Variants in EYS observed in about 807,000 individuals in gnomAD.
EYS encodes EGF-like photoreceptor maintenance factor, also known as protein eyes shut homolog.
A neutral mutation model predicts 282.1 loss-of-function variants in EYS; 250 were observed. That is an observed-to-expected ratio of 0.89 (90% confidence interval 0.80 to 0.98). The LOEUF (loss-of-function observed/expected upper bound fraction) is 0.98. EYS is among the 50% of genes least tolerant of loss of function. EYS has a pLI of 0.00. For missense variants in EYS, 4,016 were observed against 3,709.0 expected, an observed-to-expected ratio of 1.08 and a Z score of -2.15; for synonymous variants, 1,355 against 1,282.9, an observed-to-expected ratio of 1.06 and a Z score of -1.20.
intron 22 of EYS, among the ~76,000 whole-genome samples, chr6:64,709,980 C>T (rs1358304123): frequency 1.3e-5 from 2 of 151,912 alleles, no homozygotes; most frequent in East Asian, 1.9e-4. Context: ...AGAAATTGTC[C>T]CTCAAATTAA....
At chr6:64,102,066 TCTC>T (rs1562202052) in intron 31 of EYS, among the ~76,000 whole-genome samples, 1 of 152,006 alleles carries the variant, frequency 6.6e-6, no homozygotes, top group Admixed American at 6.6e-5. Context: ...CACCCACCAC[TCTC>T]CTCCTTCTGT....
intron 19 of EYS, among the ~76,000 whole-genome samples, chr6:64,866,627 T>C (rs1231000912): frequency 6.8e-6 from 1 of 146,622 alleles, no homozygotes; most frequent in African/African-American, 2.5e-5. Flanking sequence ...TTAGTTATCA[T>C]TCCTGCTATT....
chr6:64,292,970 T>C (rs921587758), intron 30 of EYS, among the ~76,000 whole-genome samples: 4 of 152,114 alleles, frequency 2.6e-5, no homozygotes, highest in African/African-American at 9.6e-5. Context: ...GGTTCCAGTG[T>C]CGTTGTTCTT....
intron 29 of EYS, among the ~76,000 whole-genome samples, chr6:64,334,412 A>T (rs1176181787): frequency 6.6e-6 from 1 of 152,212 alleles, no homozygotes; most frequent in Non-Finnish European, 1.5e-5. Flanking sequence ...GTGTTTACAA[A>T]AATAAGTACT....
At chr6:65,373,007 C>T (rs1265046802) in intron 8 of EYS, among the ~76,000 whole-genome samples, 1 of 152,028 alleles carries the variant, frequency 6.6e-6, no homozygotes, top group East Asian at 1.9e-4. Flanking sequence ...TAATTTTAGT[C>T]TAATCCCATT....
intron 12 of EYS, among the ~76,000 whole-genome samples, chr6:65,146,277 TAGGAAAGAAAATAACTGACATAA>T (rs1764476104): frequency 6.6e-6 from 1 of 151,808 alleles, no homozygotes. Flanking sequence ...ATCACCTCAT[TAGGAAAGAAAATAACTGACATAA>T]ACAATCGCAA....
intron 22 of EYS, among the ~76,000 whole-genome samples, chr6:64,791,308 T>C (rs903858108): frequency 4.0e-5 from 6 of 151,814 alleles, no homozygotes; most frequent in African/African-American, 1.4e-4. Flanking sequence ...AATTAATGCA[T>C]GCACACACAC....
intron 5 of EYS, among the ~76,000 whole-genome samples, chr6:65,485,059 T>A (rs567688997): frequency 6.6e-6 from 1 of 152,346 alleles, no homozygotes; most frequent in East Asian, 1.9e-4. Flanking sequence ...TTACATATTT[T>A]ACTATGCACT....
intron 13 of EYS, among the ~76,000 whole-genome samples, chr6:64,997,974 G>A (rs1182114059): frequency 2.0e-5 from 3 of 151,960 alleles, no homozygotes; most frequent in Non-Finnish European, 2.9e-5. Flanking sequence ...AAGCAACAAT[G>A]AAAATATCCA....
chr6:65,037,272 A>G (rs1263669427), intron 13 of EYS, among the ~76,000 whole-genome samples: 1 of 151,850 alleles, frequency 6.6e-6, no homozygotes, highest in Non-Finnish European at 1.5e-5. Flanking sequence ...GTACACACAG[A>G]TGCAAATAAG....
In EYS at chr6:64,975,448, T is replaced by C. The variant is rs115403727; in HGVS notation, c.2259+22134A>G. On this transcript the variant is annotated intron_variant, in intron 14 of 42. Transcript: ENST00000503581. The stretch of plus-strand genomic sequence containing the variant: ...GTATATGTGAGATGCAGACATCTGT[T>C]AGGATATTTTTTCCCTTATTTTTTT... 6.7e-3 allele frequency among the ~76,000 whole-genome samples: 1,021 copies of C among 151,992 alleles called. 4 individuals carry two copies. Among genetic ancestry groups the C allele is most frequent in the Middle Eastern group, 0.02 (6 of 294 alleles).
At chr6:63,941,254 A>G (rs1403906639) in intron 35 of EYS, among the ~76,000 whole-genome samples, 4 of 152,146 alleles carry the variant, frequency 2.6e-5, no homozygotes, top group Admixed American at 1.3e-4. Context: ...CTGAGGAATC[A>G]CCACACTGAC....
chr6:64,005,806 A>G (rs1354815958), intron 33 of EYS, among the ~76,000 whole-genome samples: 1 of 151,880 alleles, frequency 6.6e-6, no homozygotes, highest in African/African-American at 2.4e-5. Context: ...TGGGCTCTCT[A>G]TTCTGTTCCA....
Position 65,204,717 on chromosome 6 carries a change from C to T in EYS, c.2023+91146G>A, listed in dbSNP as rs1765984901. ...AATATTAACATTCCAGTTAAATACC[C>T]TTGAACTTAAATATTAATAATTCTA... On this transcript the variant is annotated intron_variant, in intron 12 of 42. Coordinates refer to ENST00000503581, the MANE Select transcript of EYS (RefSeq NM_001142800.2). 2.0e-5 allele frequency among the ~76,000 whole-genome samples: 3 copies of T among 151,440 alleles called. No homozygotes were observed. The South Asian group carries it at 6.2e-4, about 31-fold the overall frequency.
intron 11 of EYS, among the ~76,000 whole-genome samples, chr6:65,301,727 C>T (rs1318377648): frequency 1.3e-5 from 2 of 152,258 alleles, no homozygotes; most frequent in African/African-American, 4.8e-5. Context: ...GCAACAGGGA[C>T]ACTTCCGTAC....
At chr6:65,637,734 G>A (rs144707738) in intron 2 of EYS, among the ~76,000 whole-genome samples, 251 of 152,216 alleles carry the variant, frequency 1.6e-3, no homozygotes, top group African/African-American at 5.6e-3. Flanking sequence ...GCGGGCACTC[G>A]GGACAGGGCT....
intron 35 of EYS, 92 bp downstream of exon 35, chr6:63,984,291 T>C: frequency 4.7e-6 from 4 of 844,322 alleles, no homozygotes; most frequent in Non-Finnish European, 7.6e-6. Flanking sequence ...CTTGTCATTT[T>C]CGTCTCTCAG....
intron 28 of EYS, among the ~76,000 whole-genome samples, chr6:64,416,439 T>A (rs926850446): frequency 1.3e-5 from 2 of 151,962 alleles, no homozygotes; most frequent in African/African-American, 4.8e-5. Context: ...TTTCTGAGCT[T>A]ATTAAAATTA....
At chr6:64,448,011 A>G (rs1338323572) in intron 26 of EYS, among the ~76,000 whole-genome samples, 1 of 152,220 alleles carries the variant, frequency 6.6e-6, no homozygotes, top group Admixed American at 6.5e-5. Context: ...CAGTGGGTGC[A>G]GGACAGTGGG....
Sources: allele counts gnomAD v4.1 joint callset (sites outside exome capture counted in the v4.1 genomes callset), GRCh38; gene constraint gnomAD v4.1.1; transcripts MANE v1.5; gene names NCBI Gene and HGNC (gene_info 2026-07-23, HGNC 2026-07-21).